NXPH2: variants seen among roughly 807,000 people sequenced by gnomAD.
NXPH2 encodes the protein neurexophilin-2.
Under a neutral mutation model 19.8 loss-of-function variants are expected in NXPH2, and 5 were observed. The ratio of observed to expected loss-of-function variants is 0.25; its 90% CI spans 0.13 to 0.53. NXPH2 has a LOEUF of 0.53. Ranked by LOEUF, NXPH2 falls within the 20% of genes least tolerant of loss-of-function variation. The pLI, the probability that NXPH2 is intolerant of heterozygous loss-of-function variation, is 0.96. For synonymous variants in NXPH2, 154 were observed against 127.4 expected, an observed-to-expected ratio of 1.21 and a Z score of -1.41; for missense variants, 289 against 322.8, an observed-to-expected ratio of 0.90 and a Z score of 0.80.
chr2:138,756,356 CTAAGA>C (rs1162125831), intron 1 of NXPH2, among the ~76,000 whole-genome samples: 1 of 151,710 alleles, frequency 6.6e-6, no homozygotes, highest in Non-Finnish European at 1.5e-5. Context: ...CACACTTACT[CTAAGA>C]TTTTTCAGCA....
chr2:138,742,631 G>A (rs985243189), intron 1 of NXPH2, among the ~76,000 whole-genome samples: 1 of 152,188 alleles, frequency 6.6e-6, no homozygotes, highest in African/African-American at 2.4e-5. Flanking sequence ...CAGGGCAAAT[G>A]AATGAGCAAG....
At chr2:138,684,988 C>T (rs1046465205) in intron 1 of NXPH2, among the ~76,000 whole-genome samples, 1 of 152,218 alleles carries the variant, frequency 6.6e-6, no homozygotes, top group Non-Finnish European at 1.5e-5. Context: ...CATCTCTATT[C>T]CTGGTCTCTG....
chr2:138,708,008 A>T (rs1309443907), intron 1 of NXPH2, among the ~76,000 whole-genome samples: 1 of 152,206 alleles, frequency 6.6e-6, no homozygotes, highest in Non-Finnish European at 1.5e-5. Flanking sequence ...TTACTGAAAT[A>T]ATTTGTGATG....
chr2:138,705,559 A>G (rs913805922), intron 1 of NXPH2, among the ~76,000 whole-genome samples: 5 of 152,164 alleles, frequency 3.3e-5, no homozygotes, highest in African/African-American at 4.8e-5. Flanking sequence ...GGAAGTTCCC[A>G]TTATCTAAAT....
chr2:138,764,854 A>G (rs1573982744), intron 1 of NXPH2, among the ~76,000 whole-genome samples: 1 of 152,236 alleles, frequency 6.6e-6, no homozygotes. Flanking sequence ...GCCCCTAGAA[A>G]TATTTTCTAA....
chr2:138,706,459 G>C (rs1427648396), intron 1 of NXPH2, among the ~76,000 whole-genome samples: 2 of 152,174 alleles, frequency 1.3e-5, no homozygotes, highest in Non-Finnish European at 2.9e-5. Flanking sequence ...CTGGTGGGCT[G>C]TTCTCTAGGA....
intron 1 of NXPH2, among the ~76,000 whole-genome samples, chr2:138,702,357 T>A (rs1263056774): frequency 1.3e-5 from 2 of 152,186 alleles, no homozygotes; most frequent in Non-Finnish European, 2.9e-5. Context: ...TTGGCCCAAG[T>A]GATCCTCTCA....
At chr2:138,741,933 A>G (rs1681649336) in intron 1 of NXPH2, among the ~76,000 whole-genome samples, 2 of 152,214 alleles carry the variant, frequency 1.3e-5, no homozygotes, top group Admixed American at 6.5e-5. Context: ...AAAATGCACT[A>G]TTGCTAATTC....
At chr2:138,683,123 T>C (rs1680601679) in intron 1 of NXPH2, among the ~76,000 whole-genome samples, 1 of 152,152 alleles carries the variant, frequency 6.6e-6, no homozygotes, top group African/African-American at 2.4e-5. Flanking sequence ...AATGGTCAGA[T>C]CACAGTCTCA....
intron 1 of NXPH2, among the ~76,000 whole-genome samples, chr2:138,766,165 T>C (rs1433898721): frequency 6.6e-6 from 1 of 152,210 alleles, no homozygotes; most frequent in African/African-American, 2.4e-5. Flanking sequence ...GAGTTGGCAC[T>C]CAAAGATATT....
chr2:138,755,769 C>T (rs1681897065), intron 1 of NXPH2, among the ~76,000 whole-genome samples: 1 of 152,096 alleles, frequency 6.6e-6, no homozygotes, highest in African/African-American at 2.4e-5. Flanking sequence ...GAATAAATGA[C>T]ATTTTAACAA....
In NXPH2 at chr2:138,780,181, G is replaced by C. The variant is rs566372590; in HGVS notation, c.51+10C>G. ...CGGCGTGTGGGACGGCGCGCGGGCC[G>C]GGCACTCACCAGCTGCAGCAAGCCA... On this transcript the variant is annotated intron_variant, in intron 1 of 1. Coordinates refer to ENST00000272641, the MANE Select transcript of NXPH2 (RefSeq NM_007226.3). 252 of 1,490,502 alleles carry C rather than the reference G, an allele frequency of 1.7e-4. 1 individual carries two copies. The African/African-American group carries it at 3.0e-3, about 18-fold the overall frequency. 92.3% of individuals were successfully genotyped at this position (1,490,502 alleles called of 1,614,324 possible). A position where few individuals can be genotyped will look rare whatever the true frequency, so the allele number is the denominator to read the frequency against.
At chr2:138,690,295 T>C (rs1349567042) in intron 1 of NXPH2, among the ~76,000 whole-genome samples, 2 of 152,176 alleles carry the variant, frequency 1.3e-5, no homozygotes, top group African/African-American at 4.8e-5. Context: ...TGTTCCTCCA[T>C]TGTCAACATG....
chr2:138,723,614 A>T (rs1681311963), intron 1 of NXPH2, among the ~76,000 whole-genome samples: 2 of 152,180 alleles, frequency 1.3e-5, no homozygotes, highest in Non-Finnish European at 2.9e-5. Flanking sequence ...GCTTTACTTC[A>T]TAAAAGGAAA....
chr2:138,671,315 A>G lies in NXPH2; in HGVS notation c.402T>C (p.Ile134=). The G allele has an allele frequency of 2.5e-6, 4 of 1,613,852 alleles. No individual in the cohort carries two copies. Among genetic ancestry groups the G allele is most frequent in the Non-Finnish European group, 3.4e-6 (4 of 1,179,800 alleles). Reference sequence around the variant, plus strand: ...TGAAGGTTCCATTTCCATGGTCAACAATTTTCCCTGTGATGAGGAGATTGA... The same window carrying G: ...TGAAGGTTCCATTTCCATGGTCAACGATTTTCCCTGTGATGAGGAGATTGA... ...VKLNLLITGK[I]VDHGNGTFSV... is the part of the protein sequence containing the mutation. The change falls in exon 2 of 2, where the codon ATT becomes ATC. Residue 134 remains isoleucine, a synonymous_variant. Coordinates refer to ENST00000272641, the MANE Select transcript of NXPH2 (RefSeq NM_007226.3).
intron 1 of NXPH2, among the ~76,000 whole-genome samples, chr2:138,730,099 T>C (rs1359889578): frequency 6.6e-6 from 1 of 152,200 alleles, no homozygotes; most frequent in African/African-American, 2.4e-5. Flanking sequence ...GTCTGTGTCA[T>C]AATTGCTTCC....
chr2:138,720,013 A>G (rs1450127829), intron 1 of NXPH2, among the ~76,000 whole-genome samples: 13 of 152,088 alleles, frequency 8.5e-5, no homozygotes, highest in Admixed American at 8.5e-4. Context: ...TCCCTCATAC[A>G]TTCTTGGGAA....
At position 138,717,345 on chromosome 2, in the gene NXPH2, G is replaced by A. The variant is rs138444624; in HGVS notation, c.52-45680C>T. 2.0e-4 allele frequency among the ~76,000 whole-genome samples: 30 copies of A among 151,988 alleles called. No homozygotes were observed. In the South Asian group the frequency reaches 3.3e-3, roughly 17 times the overall value. On this transcript the variant is annotated intron_variant, in intron 1 of 1. Coordinates refer to ENST00000272641, the MANE Select transcript of NXPH2 (RefSeq NM_007226.3). ...CATCTCAAGGCAACTGTCTTAGTCC[G>A]TTTTGGCTATAACAAAATACCATAA...
intron 1 of NXPH2, among the ~76,000 whole-genome samples, chr2:138,677,709 T>A (rs1473538181): frequency 1.3e-5 from 2 of 152,232 alleles, no homozygotes; most frequent in Non-Finnish European, 2.9e-5. Flanking sequence ...ATGTGAGACC[T>A]GTCACAAATT....
Sources: gnomAD v4.1 joint callset for allele counts (sites outside exome capture counted in the v4.1 genomes callset) on GRCh38, gnomAD v4.1.1 for gene constraint, MANE v1.5 for transcripts, NCBI Gene and HGNC (gene_info 2026-07-23, HGNC 2026-07-21) for gene names.